The following ARL5B variants were observed in gnomAD, a reference collection of about 807,000 sequenced individuals.
ARL5B encodes ARF like GTPase 5B, also known as ADP-ribosylation factor-like protein 5B.
Under a neutral mutation model 26.9 loss-of-function variants are expected in ARL5B, and 10 were observed. That is an observed-to-expected ratio of 0.37 (90% confidence interval 0.23 to 0.63). ARL5B has a LOEUF of 0.63. Among genes scored for constraint, ARL5B ranks in the 30% least tolerant of loss-of-function variants. The probability of loss-of-function intolerance (pLI) is 0.62; values close to 1 mark genes in which losing one functional copy is unlikely to be tolerated. For synonymous variants in ARL5B, 87 were observed against 70.4 expected, an observed-to-expected ratio of 1.24 and a Z score of -1.18; for missense variants, 167 against 213.9, an observed-to-expected ratio of 0.78 and a Z score of 1.37.
Position 18,666,640 on chromosome 10 carries a change from G to T in ARL5B, c.107+5G>T. On this transcript the variant is annotated splice_donor_5th_base_variant and intron_variant, in intron 2 of 5. Coordinates refer to ENST00000377275, the MANE Select transcript of ARL5B (RefSeq NM_178815.5). ...AACCACCATTCTTTACCAATTGTAA[G>T]TATGGGTGTTTATTAAACAGTTTTC... 6.2e-7 allele frequency: 1 copy of T among 1,600,828 alleles called. No individual in the cohort carries two copies. The highest frequency in any genetic ancestry group is 8.5e-7 in the Non-Finnish European group (1 of 1,171,646).
intron 3 of ARL5B, among the ~76,000 whole-genome samples, chr10:18,670,122 G>A (rs2059880190): frequency 6.6e-6 from 1 of 152,020 alleles, no homozygotes. Context: ...TATTATAATA[G>A]CATGTGTGTA....
At chr10:18,661,691 T>C (rs2059837584) in intron 1 of ARL5B, among the ~76,000 whole-genome samples, 1 of 152,116 alleles carries the variant, frequency 6.6e-6, no homozygotes. Flanking sequence ...TTAACAGATA[T>C]GTGTAAAAAT....
intron 1 of ARL5B, among the ~76,000 whole-genome samples, chr10:18,664,591 C>T (rs924792178): frequency 6.6e-6 from 1 of 151,812 alleles, no homozygotes; most frequent in African/African-American, 2.4e-5. Context: ...GCACCCGCCA[C>T]CATGCCCGGC....
chr10:18,671,672 C>G (rs1052432617), intron 3 of ARL5B, among the ~76,000 whole-genome samples: 2 of 151,198 alleles, frequency 1.3e-5, no homozygotes, highest in Admixed American at 6.6e-5. Context: ...ACCCACCCCC[C>G]ACATTTTTTA....
chr10:18,672,222 A>G (rs986876691), intron 3 of ARL5B, among the ~76,000 whole-genome samples: 3 of 152,238 alleles, frequency 2.0e-5, no homozygotes, highest in African/African-American at 7.2e-5. Flanking sequence ...ACAAGTAAGC[A>G]ATTATTGACT....
chr10:18,675,478 A>C lies in ARL5B; in HGVS notation c.*262A>C, dbSNP rs1256124465. 6 of 401,848 alleles carry C rather than the reference A, an allele frequency of 1.5e-5. No individual in the cohort carries two copies. Among genetic ancestry groups the C allele is most frequent in the Non-Finnish European group, 2.7e-5 (6 of 219,642 alleles). The allele number at this position is 401,848 out of a possible 1,614,324, so 24.9% of individuals were successfully genotyped here. A position where few individuals can be genotyped will look rare whatever the true frequency, so the allele number is the denominator to read the frequency against. On this transcript the variant is annotated 3_prime_UTR_variant, in exon 6 of 6. Transcript: ENST00000377275. ...ATTCTTCTGTTTATTCTAATTAATC[A>C]GTGACTGCCTTGTAAGAAATGTTTG...
At chr10:18,664,322 AC>A (rs1477428712) in intron 1 of ARL5B, among the ~76,000 whole-genome samples, 1 of 151,312 alleles carries the variant, frequency 6.6e-6, no homozygotes, top group African/African-American at 2.4e-5. Context: ...CCTAGATTTA[AC>A]TGATCACTTC....
At chr10:18,667,618 A>G (rs2059867190) in intron 2 of ARL5B, among the ~76,000 whole-genome samples, 2 of 152,148 alleles carry the variant, frequency 1.3e-5, no homozygotes, top group African/African-American at 4.8e-5. Context: ...TGGCAAGGGC[A>G]TATTTGTTGA....
chr10:18,661,498 A>T (rs1035797319), intron 1 of ARL5B, among the ~76,000 whole-genome samples: 2 of 152,212 alleles, frequency 1.3e-5, no homozygotes, highest in African/African-American at 2.4e-5. Context: ...CCTGTTGGAA[A>T]ATTTAGAACC....
chr10:18,671,896 C>G (rs1252345610), intron 3 of ARL5B, among the ~76,000 whole-genome samples: 1 of 152,186 alleles, frequency 6.6e-6, no homozygotes, highest in East Asian at 1.9e-4. Flanking sequence ...AAGCAGTCAT[C>G]CCACCTCACC....
rs1018712787 is a variant in ARL5B at position 18,681,393 on chromosome 10, T to C, written c.*6177T>C. 6.7e-4 allele frequency: 102 copies of C among 152,228 alleles called. No individual in the cohort carries two copies. Among genetic ancestry groups the C allele is most frequent in the African/African-American group, 2.4e-3 (100 of 41,460 alleles). The allele number at this position is 152,228 out of a possible 1,614,324, so 9.4% of individuals were successfully genotyped here. The stretch of plus-strand genomic sequence containing the variant: ...AAAGTTTTTAATACTTTATTAGTTA[T>C]GAAGTGCTTCTTTTATATGTTAAGT... On this transcript the variant is annotated 3_prime_UTR_variant, in exon 6 of 6. Coordinates refer to ENST00000377275, the MANE Select transcript of ARL5B (RefSeq NM_178815.5).
chr10:18,675,055 A>G (rs1427352322), intron 5 of ARL5B, 113 bp from the exon 6 acceptor site: 2 of 826,912 alleles, frequency 2.4e-6, no homozygotes, highest in Non-Finnish European at 1.9e-6. Flanking sequence ...ACACTGATGT[A>G]TATAAATAAT....
At chr10:18,675,141 T>C in intron 5 of ARL5B, 27 bp from the exon 6 acceptor site, 1 of 1,606,154 alleles carries the variant, frequency 6.2e-7, no homozygotes, top group Non-Finnish European at 8.5e-7. Context: ...AGGTTTTTAA[T>C]TAAAAATACT....
Position 18,676,374 on chromosome 10 carries a change from A to G in ARL5B, c.*1158A>G, listed in dbSNP as rs1396384247. On this transcript the variant is annotated 3_prime_UTR_variant, in exon 6 of 6. Coordinates refer to ENST00000377275, the MANE Select transcript of ARL5B (RefSeq NM_178815.5). ...ACTGCTGAATTGAATCCTAGCTTTT[A>G]GAATATTAATAGGAGACTCAAAGTT... The G allele has an allele frequency of 6.6e-6, 1 of 152,268 alleles. No homozygotes were observed. Among genetic ancestry groups the G allele is most frequent in the Non-Finnish European group, 1.5e-5 (1 of 67,904 alleles). 9.4% of individuals were successfully genotyped at this position (152,268 alleles called of 1,614,324 possible). A position where few individuals can be genotyped will look rare whatever the true frequency, so the allele number is the denominator to read the frequency against.
rs1222339807 is a variant in ARL5B at position 18,679,832 on chromosome 10, A to G, written c.*4616A>G. Reference sequence around the variant, plus strand: ...GGATATTAGGTAAGAGAAAATGTGAATGAAAGCAGTGAATTTCTGCCTCTC... The same window carrying G: ...GGATATTAGGTAAGAGAAAATGTGAGTGAAAGCAGTGAATTTCTGCCTCTC... On this transcript the variant is annotated 3_prime_UTR_variant, in exon 6 of 6. Coordinates refer to ENST00000377275, the MANE Select transcript of ARL5B (RefSeq NM_178815.5). 6.6e-6 allele frequency: 1 copy of G among 151,994 alleles called. No individual in the cohort carries two copies. Among genetic ancestry groups the G allele is most frequent in the Non-Finnish European group, 1.5e-5 (1 of 67,890 alleles). The allele number at this position is 151,994 out of a possible 1,614,324, so 9.4% of individuals were successfully genotyped here.
intron 2 of ARL5B, among the ~76,000 whole-genome samples, chr10:18,667,519 T>C (rs932574305): frequency 2.6e-5 from 4 of 152,190 alleles, no homozygotes; most frequent in African/African-American, 9.7e-5. Flanking sequence ...CTGTCATCTT[T>C]GTTGAAATAA....
chr10:18,668,464 A>G, intron 2 of ARL5B, 66 bp from the exon 3 acceptor site: 4 of 1,545,908 alleles, frequency 2.6e-6, no homozygotes, highest in African/African-American at 1.4e-5. Context: ...TTAAAAATAC[A>G]GAGATAAAAG....
At chr10:18,669,082 C>G (rs1316138054) in intron 3 of ARL5B, among the ~76,000 whole-genome samples, 1 of 151,876 alleles carries the variant, frequency 6.6e-6, no homozygotes, top group East Asian at 1.9e-4. Flanking sequence ...TAATAAGATC[C>G]TTTTTTGTAG....
rs1433372555 is a variant in ARL5B at position 18,675,221 on chromosome 10, T to A, written c.*5T>A. The A allele has an allele frequency of 6.2e-7, 1 of 1,613,056 alleles. No homozygotes were observed. Among genetic ancestry groups the A allele is most frequent in the African/African-American group, 1.3e-5 (1 of 74,902 alleles). The stretch of plus-strand genomic sequence containing the variant: ...TCCCGGATTGGTGTGAGATAACTTT[T>A]TTGCTTGAAAGAGACTGCTCTATTT... On this transcript the variant is annotated 3_prime_UTR_variant, in exon 6 of 6. Transcript: ENST00000377275.
Sources: gnomAD v4.1 joint callset for allele counts (sites outside exome capture counted in the v4.1 genomes callset) on GRCh38, gnomAD v4.1.1 for gene constraint, MANE v1.5 for transcripts, NCBI Gene and HGNC (gene_info 2026-07-23, HGNC 2026-07-21) for gene names.